The following BPIFB4 variants were observed in gnomAD, a reference collection of about 807,000 sequenced individuals.
BPIFB4 encodes BPI fold-containing family B member 4.
BPIFB4 carries 62 observed loss-of-function variants against 69.2 expected under a neutral mutation model. The observed-to-expected ratio is 0.90, with a 90% CI of 0.73 to 1.11. BPIFB4 has a LOEUF of 1.11. Ranked by LOEUF, BPIFB4 falls within the 50% of genes least tolerant of loss-of-function variation. The pLI, the probability that BPIFB4 is intolerant of heterozygous loss-of-function variation, is 0.00. For synonymous variants in BPIFB4, 330 were observed against 332.7 expected (o/e 0.99, Z 0.09); for missense variants, 789 against 792.0 (o/e 1.00, Z 0.04).
chr20:33,083,928 G>C, intron 5 of BPIFB4, 54 bp downstream of exon 5: 1 of 1,528,208 alleles, frequency 6.5e-7, no homozygotes, highest in Non-Finnish European at 8.8e-7. Flanking sequence ...CCAAATGGGG[G>C]TGATCACTCC....
intron 14 of BPIFB4, 36 bp downstream of exon 14, chr20:33,100,529 C>A: frequency 1.3e-6 from 2 of 1,567,602 alleles, no homozygotes; most frequent in Non-Finnish European, 1.8e-6. Flanking sequence ...CCTGACGGTG[C>A]TGGTGCTGCT....
At chr20:33,081,433 G>T in intron 2 of BPIFB4, 79 bp from the exon 3 acceptor site, 1 of 1,515,800 alleles carries the variant, frequency 6.6e-7, no homozygotes, top group South Asian at 1.3e-5. Flanking sequence ...ATGACTCTTG[G>T]CTGGGGCTGC....
intron 12 of BPIFB4, among the ~76,000 whole-genome samples, chr20:33,095,648 A>C (rs947648794): frequency 2.0e-5 from 3 of 152,088 alleles, no homozygotes; most frequent in Non-Finnish European, 2.9e-5. Context: ...CAGTCATATG[A>C]CCTTAGATGC....
chr20:33,095,257 C>T, intron 12 of BPIFB4, 104 bp downstream of exon 12: 2 of 1,226,520 alleles, frequency 1.6e-6, no homozygotes, highest in South Asian at 2.4e-5. Context: ...GGGGTGCTCT[C>T]CCCCGAACCC....
chr20:33,096,816 G>A (rs565647911), intron 12 of BPIFB4, among the ~76,000 whole-genome samples: 160 of 152,218 alleles, frequency 1.1e-3, no homozygotes, highest in African/African-American at 3.6e-3. Context: ...CCAGGGGAGG[G>A]GACTTCTTTC....
intron 6 of BPIFB4, 60 bp from the exon 7 acceptor site, chr20:33,085,961 G>A: frequency 6.4e-7 from 1 of 1,552,114 alleles, no homozygotes; most frequent in Non-Finnish European, 8.9e-7. Context: ...CCTGGGTAAG[G>A]GTGAGCTCCT....
intron 13 of BPIFB4, among the ~76,000 whole-genome samples, chr20:33,098,318 T>C (rs1254302374): frequency 6.6e-6 from 1 of 152,220 alleles, no homozygotes; most frequent in Non-Finnish European, 1.5e-5. Context: ...CTATGTGTTA[T>C]GCTTTCTACT....
intron 13 of BPIFB4, 45 bp downstream of exon 13, chr20:33,097,832 C>T: frequency 6.5e-7 from 1 of 1,540,942 alleles, no homozygotes; most frequent in Non-Finnish European, 8.8e-7. Flanking sequence ...GGCCTCAAGA[C>T]AGAGCCACAT....
intron 14 of BPIFB4, among the ~76,000 whole-genome samples, chr20:33,102,133 A>G (rs1981924757): frequency 6.6e-6 from 1 of 152,210 alleles, no homozygotes; most frequent in African/African-American, 2.4e-5. Context: ...GGAGAGCAGC[A>G]TGGGCAAGCT....
At position 33,107,745 on chromosome 20, in the gene BPIFB4, T is replaced by G. The variant is rs1212662270; in HGVS notation, c.1746T>G (p.Ala582=). The G allele has an allele frequency of 1.2e-6, 2 of 1,613,500 alleles. No individual in the cohort carries two copies. The highest frequency in any genetic ancestry group is 3.3e-5 in the Admixed American group (2 of 60,026). Residue 582 remains alanine (A), a splice_region_variant and synonymous_variant, in exon 17 of 18, where the codon GCT becomes GCG. Transcript: ENST00000375483. The part of the protein sequence containing the change: ...FDLAFMPAMN[A]VLGSGVPLPK... The stretch of plus-strand genomic sequence containing the variant: ...GTCTGACTGTTTTTTATTTTACAGC[T>G]GTGCTGGGTTCTGGCGTCCCTCTCC...
intron 17 of BPIFB4, among the ~76,000 whole-genome samples, chr20:33,108,392 T>TA (rs953277038): frequency 1.5e-4 from 22 of 144,666 alleles, no homozygotes; most frequent in African/African-American, 5.1e-4. Flanking sequence ...TGGAAAAGAT[T>TA]AAAAAAAAGT....
At chr20:33,079,763 T>C (rs1255705801) in intron 1 of BPIFB4, 60 bp downstream of exon 1, 1 of 152,086 alleles carries the variant, frequency 6.6e-6, no homozygotes, top group African/African-American at 2.4e-5. Context: ...CCTGGGAAGG[T>C]AATAAGGAGA....
Position 33,086,053 on chromosome 20 carries a change from T to G in BPIFB4, c.815T>G (p.Val272Gly). 1.2e-6 allele frequency: 2 copies of G among 1,612,970 alleles called. No individual in the cohort carries two copies. Among genetic ancestry groups the G allele is most frequent in the Non-Finnish European group, 1.7e-6 (2 of 1,179,050 alleles). Residue 272 changes from valine (V) to glycine (G), a missense_variant, in exon 7 of 18, where the codon GTG (valine) becomes GGG (glycine). This residue lies in a region of BPIFB4 where 611 missense variants were observed against 575.4 expected (regional missense o/e 1.06). Transcript: ENST00000375483. ...LIGFLDIAVE[V>G]NITAKVRLTM... Reference sequence around the variant, plus strand: ...GGCTTCCTGGACATCGCAGTAGAAGTGAACATCACAGCCAAGGTCCGGCTG... The same window carrying G: ...GGCTTCCTGGACATCGCAGTAGAAGGGAACATCACAGCCAAGGTCCGGCTG...
intron 3 of BPIFB4, among the ~76,000 whole-genome samples, chr20:33,082,168 C>T (rs1418444389): frequency 1.3e-5 from 2 of 152,098 alleles, no homozygotes; most frequent in Non-Finnish European, 2.9e-5. Flanking sequence ...CCCTCAACAC[C>T]CATCCCAGGC....
intron 13 of BPIFB4, 129 bp from the exon 14 acceptor site, chr20:33,100,297 G>A (rs144185619): frequency 1.8e-4 from 131 of 710,880 alleles, no homozygotes; most frequent in Non-Finnish European, 2.6e-4. Context: ...CCCAGGCCTC[G>A]GGGAACAACC....
At chr20:33,082,072 C>G (rs546024176) in intron 3 of BPIFB4, among the ~76,000 whole-genome samples, 1 of 152,262 alleles carries the variant, frequency 6.6e-6, no homozygotes, top group South Asian at 2.1e-4. Context: ...ACTTAGAAGG[C>G]CCTCAAAAGT....
chr20:33,081,159 A>G (rs189110028), intron 2 of BPIFB4, among the ~76,000 whole-genome samples: 2 of 152,262 alleles, frequency 1.3e-5, no homozygotes, highest in Admixed American at 6.5e-5. Flanking sequence ...TGCTGGAGAG[A>G]GTTCCTTAGA....
chr20:33,107,726 CTG>C lies in BPIFB4; in HGVS notation c.1745-16_1745-15del, dbSNP rs1169019084. On this transcript the variant is annotated splice_polypyrimidine_tract_variant and intron_variant, in intron 16 of 17. Coordinates refer to ENST00000375483, the MANE Select transcript of BPIFB4 (RefSeq NM_182519.3). ...CTCTTGGACCACTGACCATGTCTGA[CTG>C]TTTTTTATTTTACAGCTGTGCTGGG... 1.6e-5 allele frequency: 25 copies of C among 1,605,668 alleles called. No individual in the cohort carries two copies. The African/African-American group carries it at 2.1e-4, about 14-fold the overall frequency.
rs1981796799 is a variant in BPIFB4, at chr20:33,097,770, A to G, written c.1552A>G (p.Ile518Val). 6.2e-7 allele frequency: 1 copy of G among 1,613,632 alleles called. No individual in the cohort carries two copies. The part of the protein sequence containing the change: ...VSQPKDLETT[I>V]CLIDVDTEFL... ...CCAGCCCAAAGACCTGGAGACTACC[A>G]TCTGCCTCATTGACGTGGTGAGTGT... The change falls in exon 13 of 18, where the codon ATC becomes GTC. Residue 518 changes from isoleucine to valine, a missense_variant. Physicochemically the swap from Ile to Val is conservative, Grantham distance 29. Coordinates refer to ENST00000375483, the MANE Select transcript of BPIFB4 (RefSeq NM_182519.3).
Sources: gnomAD v4.1 joint callset for allele counts (sites outside exome capture counted in the v4.1 genomes callset) on GRCh38, gnomAD v4.1.1 for gene constraint, gnomAD v4.1.1 regional missense constraint, MANE v1.5 for transcripts, NCBI Gene and HGNC (gene_info 2026-07-23, HGNC 2026-07-21) for gene names.